The following PTPN12 variants were observed in gnomAD, a reference collection of about 807,000 sequenced individuals.
The protein encoded by PTPN12 is tyrosine-protein phosphatase non-receptor type 12.
A neutral mutation model predicts 97.6 loss-of-function variants in PTPN12; 29 were observed. The ratio of observed to expected loss-of-function variants is 0.30; its 90% CI spans 0.22 to 0.41. The LOEUF (loss-of-function observed/expected upper bound fraction) is 0.41. PTPN12 is among the 10% of genes least tolerant of loss of function. PTPN12 has a pLI of 1.00. For synonymous variants in PTPN12, 327 were observed against 300.4 expected (o/e 1.09, Z -0.91); for missense variants, 819 against 926.0 (o/e 0.88, Z 1.50).
At chr7:77,631,773 A>G (rs907815613) in intron 13 of PTPN12, among the ~76,000 whole-genome samples, 2 of 152,204 alleles carry the variant, frequency 1.3e-5, no homozygotes, top group Non-Finnish European at 2.9e-5. Flanking sequence ...TTTTTAAAAA[A>G]CTTTAATAGC....
At chr7:77,600,987 T>C in intron 8 of PTPN12, 181 bp downstream of exon 8, 2 of 555,926 alleles carry the variant, frequency 3.6e-6, no homozygotes, top group Non-Finnish European at 3.1e-6. Flanking sequence ...TAGAGTATTG[T>C]TGCATTAAAA....
At chr7:77,559,006 T>TCC (rs1315341532) in intron 1 of PTPN12, among the ~76,000 whole-genome samples, 1 of 152,112 alleles carries the variant, frequency 6.6e-6, no homozygotes, top group African/African-American at 2.4e-5. Context: ...AGAACAAGAC[T>TCC]CTCTCTCTGA....
chr7:77,613,289 C>T (rs1309807468), intron 11 of PTPN12, among the ~76,000 whole-genome samples: 2 of 149,212 alleles, frequency 1.3e-5, no homozygotes, highest in Non-Finnish European at 3.0e-5. Context: ...ATTTTCCTGC[C>T]TCAGCCTCCC....
chr7:77,548,124 ACT>A (rs1429148643), intron 1 of PTPN12, among the ~76,000 whole-genome samples: 2 of 152,156 alleles, frequency 1.3e-5, no homozygotes, highest in Admixed American at 1.3e-4. Flanking sequence ...ATAAAGTAGT[ACT>A]CTCTCTGTTT....
intron 1 of PTPN12, among the ~76,000 whole-genome samples, chr7:77,539,703 A>T (rs976523242): frequency 6.6e-6 from 1 of 152,004 alleles, no homozygotes; most frequent in Non-Finnish European, 1.5e-5. Flanking sequence ...ATCTCAGCTC[A>T]CTGCAACCTC....
intron 11 of PTPN12, 28 bp downstream of exon 11, chr7:77,611,074 G>A (rs773586786): frequency 6.5e-7 from 1 of 1,535,882 alleles, no homozygotes. Context: ...ATTAATTTTA[G>A]GAAACTTTTA....
At chr7:77,564,093 G>C (rs1038363698) in intron 1 of PTPN12, 18 of 232,252 alleles carry the variant, frequency 7.8e-5, no homozygotes, top group Non-Finnish European at 6.3e-5. Context: ...TGGCCAGGCT[G>C]GTCTTGAGCT....
chr7:77,601,728 A>G (rs180684914), intron 8 of PTPN12, among the ~76,000 whole-genome samples: 345 of 152,308 alleles, frequency 2.3e-3, no homozygotes, highest in Middle Eastern at 0.01. Context: ...AGTTTGATGA[A>G]AAACTAAATG....
chr7:77,573,516 C>CTGT (rs1787233971), intron 2 of PTPN12, among the ~76,000 whole-genome samples: 1 of 152,168 alleles, frequency 6.6e-6, no homozygotes, highest in African/African-American at 2.4e-5. Flanking sequence ...CCACTTAATA[C>CTGT]TGTTGCATTG....
At chr7:77,552,040 A>G (rs914629770) in intron 1 of PTPN12, among the ~76,000 whole-genome samples, 6 of 152,250 alleles carry the variant, frequency 3.9e-5, no homozygotes, top group Non-Finnish European at 8.8e-5. Context: ...CTCCACACCC[A>G]TTCACTGACA....
intron 2 of PTPN12, among the ~76,000 whole-genome samples, chr7:77,574,133 C>T (rs1315118215): frequency 2.0e-5 from 3 of 152,044 alleles, no homozygotes; most frequent in Non-Finnish European, 2.9e-5. Flanking sequence ...AGGTGATGGA[C>T]GATACATATT....
intron 1 of PTPN12, among the ~76,000 whole-genome samples, chr7:77,561,783 A>T (rs199730450): frequency 7.7e-6 from 1 of 130,484 alleles, no homozygotes; most frequent in Non-Finnish European, 1.6e-5. Context: ...TAATTAATTA[A>T]TTTTATTTAT....
Position 77,537,612 on chromosome 7 carries a change from C to T in PTPN12, c.66C>T (p.His22=), listed in dbSNP as rs1391585786. 6.2e-7 allele frequency: 1 copy of T among 1,604,366 alleles called. No individual in the cohort carries two copies. The highest frequency in any genetic ancestry group is 1.1e-5 in the South Asian group (1 of 89,382). ...QRVQAMKSPD[H]NGEDNFARDF... ...TCCAGGCCATGAAGAGTCCTGACCA[C>T]AATGGGGAGGACAACTTCGCCCGGG... The change falls in exon 1 of 18, where the codon CAC becomes CAT. Residue 22 remains histidine, a synonymous_variant. Coordinates refer to ENST00000248594, the MANE Select transcript of PTPN12 (RefSeq NM_002835.4).
chr7:77,600,921 T>G, intron 8 of PTPN12, 115 bp downstream of exon 8: 1 of 919,110 alleles, frequency 1.1e-6, no homozygotes, highest in Non-Finnish European at 1.6e-6. Context: ...CTTGATACAA[T>G]GTTTGGGACT....
intron 13 of PTPN12, among the ~76,000 whole-genome samples, chr7:77,627,995 A>G (rs1434433936): frequency 6.8e-6 from 1 of 146,674 alleles, no homozygotes; most frequent in East Asian, 1.9e-4. Flanking sequence ...AATTAGAAAT[A>G]ATTTAGGGAA....
chr7:77,559,990 C>T (rs1221329648), intron 1 of PTPN12, among the ~76,000 whole-genome samples: 1 of 152,118 alleles, frequency 6.6e-6, no homozygotes, highest in Non-Finnish European at 1.5e-5. Context: ...GAATATATGC[C>T]TCATTAGAGC....
At chr7:77,612,637 C>T (rs1788607794) in intron 11 of PTPN12, among the ~76,000 whole-genome samples, 1 of 151,928 alleles carries the variant, frequency 6.6e-6, no homozygotes, top group Non-Finnish European at 1.5e-5. Context: ...GGAGTTTGTC[C>T]ATGTTGGTCA....
Position 77,537,464 on chromosome 7 carries a change from A to C in PTPN12, c.-83A>C. 2 of 1,286,586 alleles carry C rather than the reference A, an allele frequency of 1.6e-6. No homozygotes were observed. The highest frequency in any genetic ancestry group is 1.5e-5 in the South Asian group (1 of 68,572). 79.7% of individuals were successfully genotyped at this position (1,286,586 alleles called of 1,614,324 possible). A position where few individuals can be genotyped will look rare whatever the true frequency, so the allele number is the denominator to read the frequency against. The stretch of plus-strand genomic sequence containing the variant: ...GAGGGAGGGACGTGCTGGGGGAACG[A>C]GCTGGGGAAGACGGAGCGGGCTCTG... On this transcript the variant is annotated 5_prime_UTR_variant, in exon 1 of 18. Coordinates refer to ENST00000248594, the MANE Select transcript of PTPN12 (RefSeq NM_002835.4).
At chr7:77,615,172 G>A (rs1788707555) in intron 11 of PTPN12, among the ~76,000 whole-genome samples, 2 of 152,130 alleles carry the variant, frequency 1.3e-5, no homozygotes, top group South Asian at 4.1e-4. Flanking sequence ...TTCAGTTCTA[G>A]AATGATTAAG....
Sources: gnomAD v4.1 joint callset for allele counts (sites outside exome capture counted in the v4.1 genomes callset) on GRCh38, gnomAD v4.1.1 for gene constraint, MANE v1.5 for transcripts, NCBI Gene and HGNC (gene_info 2026-07-23, HGNC 2026-07-21) for gene names.